Variants in BLK observed in about 807,000 individuals in gnomAD.
The protein encoded by BLK is BLK proto-oncogene, Src family tyrosine kinase.
BLK carries 64 observed loss-of-function variants against 61.8 expected under a neutral mutation model. The observed-to-expected ratio is 1.03, with a 90% CI of 0.85 to 1.27. BLK has a LOEUF of 1.27. Ranked by LOEUF, BLK falls within the 50% of genes most tolerant of loss-of-function variation. The probability of loss-of-function intolerance (pLI) is 0.00; values close to 1 mark genes in which losing one functional copy is unlikely to be tolerated. For missense variants in BLK, 853 were observed against 660.5 expected (o/e 1.29, Z -3.19); for synonymous variants, 351 against 272.0 (o/e 1.29, Z -2.86).
intron 1 of BLK, among the ~76,000 whole-genome samples, chr8:11,508,862 G>C (rs1798882978): frequency 6.6e-6 from 1 of 152,230 alleles, no homozygotes; most frequent in South Asian, 2.1e-4. Flanking sequence ...AGGAGCCGTG[G>C]TGGAGGGGTT....
intron 1 of BLK, among the ~76,000 whole-genome samples, chr8:11,499,295 C>A (rs1024481147): frequency 6.6e-6 from 1 of 152,194 alleles, no homozygotes; most frequent in African/African-American, 2.4e-5. Context: ...GTGGAGTAGG[C>A]TCTACCATCT....
At chr8:11,498,990 C>T (rs369281802) in intron 1 of BLK, among the ~76,000 whole-genome samples, 7 of 152,298 alleles carry the variant, frequency 4.6e-5, no homozygotes, top group African/African-American at 1.4e-4. Context: ...CATTTTGAAA[C>T]CTCACAAAGG....
chr8:11,518,766 G>A (rs923108643), intron 1 of BLK, among the ~76,000 whole-genome samples: 3 of 152,084 alleles, frequency 2.0e-5, no homozygotes, highest in Admixed American at 6.5e-5. Flanking sequence ...CTGGTCTCTG[G>A]GCCCTGCCCT....
intron 1 of BLK, among the ~76,000 whole-genome samples, chr8:11,518,056 C>G (rs1799298162): frequency 6.6e-6 from 1 of 152,190 alleles, no homozygotes; most frequent in South Asian, 2.1e-4. Flanking sequence ...AGAGCTCACT[C>G]TGCAGAAGAG....
chr8:11,531,522 T>C (rs1174220406), intron 1 of BLK, among the ~76,000 whole-genome samples: 1 of 152,244 alleles, frequency 6.6e-6, no homozygotes, highest in African/African-American at 2.4e-5. Flanking sequence ...ATTGTTTTTA[T>C]TTATCATTGG....
Position 11,564,158 on chromosome 8 carries a change from G to A in BLK, c.*50G>A. ...TGCCCACCTCTGCGCGGACGACCCC[G>A]ACTTCCGTGCCATCCCAGACGGGCC... On this transcript the variant is annotated 3_prime_UTR_variant, in exon 13 of 13. Transcript: ENST00000259089. 2.6e-6 allele frequency: 4 copies of A among 1,527,514 alleles called. No individual in the cohort carries two copies. Among genetic ancestry groups the A allele is most frequent in the East Asian group, 2.4e-5 (1 of 40,830 alleles). The allele number at this position is 1,527,514 out of a possible 1,614,324, so 94.6% of individuals were successfully genotyped here. A position where few individuals can be genotyped will look rare whatever the true frequency, so the allele number is the denominator to read the frequency against.
intron 1 of BLK, among the ~76,000 whole-genome samples, chr8:11,526,487 G>T (rs538263579): frequency 1.3e-5 from 2 of 152,192 alleles, no homozygotes; most frequent in Non-Finnish European, 2.9e-5. Flanking sequence ...GGGAGGCCAA[G>T]GCGGGTGGGT....
chr8:11,514,366 A>G (rs1439730376), intron 1 of BLK, among the ~76,000 whole-genome samples: 1 of 152,148 alleles, frequency 6.6e-6, no homozygotes, highest in African/African-American at 2.4e-5. Context: ...TCCCATCCTA[A>G]AGGCAGAAGG....
chr8:11,553,501 A>C (rs1350800768), intron 6 of BLK: 4 of 337,724 alleles, frequency 1.2e-5, no homozygotes, highest in African/African-American at 8.6e-5. Flanking sequence ...GAGGGGTCTA[A>C]AGCACCAGCT....
At chr8:11,525,262 G>A (rs1357765075) in intron 1 of BLK, among the ~76,000 whole-genome samples, 2 of 152,194 alleles carry the variant, frequency 1.3e-5, no homozygotes, top group African/African-American at 4.8e-5. Flanking sequence ...GACAACATGA[G>A]TTTATTACTT....
intron 1 of BLK, among the ~76,000 whole-genome samples, chr8:11,540,652 T>C (rs1800331819): frequency 6.6e-6 from 1 of 152,170 alleles, no homozygotes; most frequent in African/African-American, 2.4e-5. Flanking sequence ...TAGATGAAAT[T>C]AAAGATCTAT....
rs1252749813 is a variant in BLK, at chr8:11,507,170, C to T, written c.-2+12579C>T. The stretch of plus-strand genomic sequence containing the variant: ...CACTGTGATTTTACAAGGCCAGGAG[C>T]CAAGTAACAACACCCTTGGCAGAGG... On this transcript the variant is annotated intron_variant, in intron 1 of 12. Transcript: ENST00000259089. 2.6e-5 allele frequency among the ~76,000 whole-genome samples: 4 copies of T among 152,084 alleles called. No homozygotes were observed. The East Asian group carries it at 5.8e-4, about 22-fold the overall frequency.
At chr8:11,512,967 A>G (rs1396375724) in intron 1 of BLK, among the ~76,000 whole-genome samples, 1 of 152,214 alleles carries the variant, frequency 6.6e-6, no homozygotes, top group East Asian at 1.9e-4. Flanking sequence ...GCGGCTGGTC[A>G]GATTATTCAA....
chr8:11,502,980 C>T (rs797014188), intron 1 of BLK, among the ~76,000 whole-genome samples: 47 of 152,348 alleles, frequency 3.1e-4, no homozygotes, highest in African/African-American at 9.9e-4. Context: ...ACTCGCAAAA[C>T]GGCTACTGTT....
At chr8:11,543,066 C>T (rs1800458538) in intron 1 of BLK, among the ~76,000 whole-genome samples, 158 bp from the exon 2 acceptor site, 1 of 152,200 alleles carries the variant, frequency 6.6e-6, no homozygotes, top group African/African-American at 2.4e-5. Context: ...AGCTCACCCA[C>T]CCGCTTCTAC....
At chr8:11,495,065 G>C (rs1194041330) in intron 1 of BLK, among the ~76,000 whole-genome samples, 1 of 152,200 alleles carries the variant, frequency 6.6e-6, no homozygotes, top group Non-Finnish European at 1.5e-5. Context: ...GAATGAAGTT[G>C]TTCCATTTTT....
intron 1 of BLK, among the ~76,000 whole-genome samples, chr8:11,495,710 C>A (rs1370939720): frequency 1.3e-5 from 2 of 152,142 alleles, no homozygotes; most frequent in Non-Finnish European, 2.9e-5. Flanking sequence ...ACACCCAAAC[C>A]CAGAATTCGC....
chr8:11,527,984 T>C (rs1799732666), intron 1 of BLK, among the ~76,000 whole-genome samples: 2 of 152,010 alleles, frequency 1.3e-5, no homozygotes. Context: ...CTTACAAGGG[T>C]GATTTTTGCT....
At chr8:11,549,789 G>T in intron 5 of BLK, among the ~76,000 whole-genome samples, 1 of 152,222 alleles carries the variant, frequency 6.6e-6, no homozygotes, top group Non-Finnish European at 1.5e-5. Context: ...AGAGAGTCTC[G>T]GCAGTTTGCC....
Sources: gnomAD v4.1 joint callset for allele counts (sites outside exome capture counted in the v4.1 genomes callset) on GRCh38, gnomAD v4.1.1 for gene constraint, MANE v1.5 for transcripts, NCBI Gene and HGNC (gene_info 2026-07-23, HGNC 2026-07-21) for gene names.